The following CPNE5 variants were observed in gnomAD, a reference collection of about 807,000 sequenced individuals.
The protein encoded by CPNE5 is copine 5.
Under a neutral mutation model 81.1 loss-of-function variants are expected in CPNE5, and 42 were observed. That is an observed-to-expected ratio of 0.52 (90% confidence interval 0.40 to 0.67). The LOEUF (loss-of-function observed/expected upper bound fraction) is 0.67, where lower values mean the gene tolerates loss of function less well. Ranked by LOEUF, CPNE5 falls within the 30% of genes least tolerant of loss-of-function variation. The pLI is 0.00. For missense variants in CPNE5, 612 were observed against 815.5 expected (o/e 0.75, Z 3.04); for synonymous variants, 313 against 321.5 (o/e 0.97, Z 0.28).
At chr6:36,828,308 C>CAAAAA (rs11444450) in intron 1 of CPNE5, among the ~76,000 whole-genome samples, 110 of 78,440 alleles carry the variant, frequency 1.4e-3, no homozygotes, top group East Asian at 2.1e-3. Flanking sequence ...AACAACAAAC[C>CAAAAA]AAAAAAAAAA....
intron 12 of CPNE5, among the ~76,000 whole-genome samples, chr6:36,759,332 C>T (rs1191620532): frequency 6.6e-6 from 1 of 152,042 alleles, no homozygotes; most frequent in Non-Finnish European, 1.5e-5. Flanking sequence ...GAATCCCATG[C>T]AGGGGGCCAG....
At chr6:36,800,981 A>G (rs1194131046) in intron 3 of CPNE5, among the ~76,000 whole-genome samples, 1 of 152,220 alleles carries the variant, frequency 6.6e-6, no homozygotes, top group Non-Finnish European at 1.5e-5. Flanking sequence ...TTGAGGCCCC[A>G]GCCAACACCT....
chr6:36,832,523 T>C (rs906883172), intron 1 of CPNE5, among the ~76,000 whole-genome samples: 24 of 152,230 alleles, frequency 1.6e-4, no homozygotes, highest in African/African-American at 5.8e-4. Context: ...TGTCTTTGGA[T>C]GCAGTTGTGA....
intron 13 of CPNE5, chr6:36,755,882 G>A (rs1336509307): frequency 3.5e-6 from 1 of 288,204 alleles, no homozygotes; most frequent in Non-Finnish European, 6.5e-6. Context: ...ATGACTAGGG[G>A]ATGATAATAT....
chr6:36,773,071 T>TG (rs1767179170), intron 10 of CPNE5, among the ~76,000 whole-genome samples: 1 of 152,156 alleles, frequency 6.6e-6, no homozygotes, highest in African/African-American at 2.4e-5. Context: ...TTTGTAAAGA[T>TG]GGGGGTCTCA....
At position 36,765,438 on chromosome 6, in the gene CPNE5, G is replaced by T. The variant is rs1766475767; in HGVS notation, c.738-62C>A. On this transcript the variant is annotated intron_variant, in intron 10 of 20. Coordinates refer to ENST00000244751, the MANE Select transcript of CPNE5 (RefSeq NM_020939.2). ...CCCACACCCACGTGGCTGAGGATGG[G>T]GCCCTCTTCATGTTCCCGGACCAGA... 3.7e-5 allele frequency: 60 copies of T among 1,600,554 alleles called. No homozygotes were observed. The South Asian group carries it at 6.5e-4, about 17-fold the overall frequency.
chr6:36,820,995 T>C (rs572129367), intron 3 of CPNE5, among the ~76,000 whole-genome samples: 5 of 151,100 alleles, frequency 3.3e-5, no homozygotes, highest in Non-Finnish European at 5.9e-5. Flanking sequence ...GAAAAAGTGA[T>C]ACAGAGAAAA....
chr6:36,798,784 A>C (rs1769833018), intron 4 of CPNE5, among the ~76,000 whole-genome samples: 1 of 152,184 alleles, frequency 6.6e-6, no homozygotes, highest in Non-Finnish European at 1.5e-5. Flanking sequence ...CCTCATTAAA[A>C]ATGGAAAAAA....
chr6:36,778,419 G>T (rs921300253), intron 9 of CPNE5, among the ~76,000 whole-genome samples: 1 of 152,308 alleles, frequency 6.6e-6, no homozygotes, highest in African/African-American at 2.4e-5. Flanking sequence ...GGGCAGTAGC[G>T]GGGGGCCAGA....
At chr6:36,831,057 T>C (rs1772945438) in intron 1 of CPNE5, among the ~76,000 whole-genome samples, 1 of 152,116 alleles carries the variant, frequency 6.6e-6, no homozygotes, top group Non-Finnish European at 1.5e-5. Context: ...TTATTTATTT[T>C]ATTTTTTATT....
rs573336942 is a variant in CPNE5, at chr6:36,765,516, G to A, written c.738-140C>T. On this transcript the variant is annotated intron_variant, in intron 10 of 20. Transcript: ENST00000244751. ...CCAGGGCCCTGGGTGGGGAGGCAGC[G>A]GCTTGAGAGACAAGGATCTCTCTTG... The A allele has an allele frequency of 2.2e-5, 20 of 901,254 alleles. No individual in the cohort carries two copies. The African/African-American group carries it at 2.3e-4, about 11-fold the overall frequency. 55.8% of individuals were successfully genotyped at this position (901,254 alleles called of 1,614,324 possible). A position where few individuals can be genotyped will look rare whatever the true frequency, so the allele number is the denominator to read the frequency against.
intron 12 of CPNE5, among the ~76,000 whole-genome samples, chr6:36,762,404 C>T (rs1320989410): frequency 6.6e-6 from 1 of 152,112 alleles, no homozygotes; most frequent in Non-Finnish European, 1.5e-5. Flanking sequence ...GCTACTGTTA[C>T]ACCTCCAGAG....
intron 2 of CPNE5, 123 bp from the exon 3 acceptor site, chr6:36,822,283 T>C (rs542869733): frequency 1.5e-6 from 1 of 688,214 alleles, no homozygotes; most frequent in African/African-American, 1.8e-5. Flanking sequence ...CACTGTTGGA[T>C]CTGGGTAGGG....
intron 3 of CPNE5, among the ~76,000 whole-genome samples, chr6:36,808,122 C>T (rs1167944224): frequency 6.6e-6 from 1 of 151,298 alleles, no homozygotes; most frequent in Non-Finnish European, 1.5e-5. Context: ...AGGAGTTTTG[C>T]TCTTGTTGCC....
In CPNE5 at chr6:36,805,973, G is replaced by A. The variant is rs182000076; in HGVS notation, c.184-5903C>T. Among the ~76,000 whole-genome samples the A allele has an allele frequency of 1.1e-4, 17 of 152,348 alleles. No homozygotes were observed. The East Asian group carries it at 3.3e-3, about 29-fold the overall frequency. ...CTCTGCTACACGTGACAGCTGGGATGTATGGGGCAGGTAGACAGCAGTGTC... is the reference window on the plus strand; with the variant it reads ...CTCTGCTACACGTGACAGCTGGGATATATGGGGCAGGTAGACAGCAGTGTC... On this transcript the variant is annotated intron_variant, in intron 3 of 20. Transcript: ENST00000244751.
Position 36,815,183 on chromosome 6 carries a change from AAGAAC to A in CPNE5, c.183+6926_183+6930del, listed in dbSNP as rs1435632327. Among the ~76,000 whole-genome samples the A allele has an allele frequency of 2.6e-5, 4 of 151,758 alleles. No individual in the cohort carries two copies. In the East Asian group the frequency reaches 7.8e-4, roughly 29 times the overall value. ...AAAAAAAAAAAAAAGAACAAAAAAA[AAGAAC>A]AGAACAGTGTCTGCACATTGCTGTC... On this transcript the variant is annotated intron_variant, in intron 3 of 20. Transcript: ENST00000244751.
At chr6:36,765,299 A>T in intron 11 of CPNE5, 36 bp downstream of exon 11, 4 of 1,608,656 alleles carry the variant, frequency 2.5e-6, no homozygotes, top group South Asian at 1.1e-5. Flanking sequence ...CCCCATCCCC[A>T]CTCACCTTCT....
chr6:36,774,304 G>T (rs1308759702), intron 10 of CPNE5, among the ~76,000 whole-genome samples: 2 of 152,082 alleles, frequency 1.3e-5, no homozygotes, highest in Admixed American at 1.3e-4. Context: ...GATCGCTTGA[G>T]CCTGGGAGGT....
chr6:36,829,867 AAAT>A (rs1257512307), intron 1 of CPNE5, among the ~76,000 whole-genome samples: 6 of 120,454 alleles, frequency 5.0e-5, no homozygotes, highest in Non-Finnish European at 5.8e-5. Context: ...AAAAAAAAAA[AAAT>A]ACCCAACAGG....
Sources: gnomAD v4.1 joint callset for allele counts (sites outside exome capture counted in the v4.1 genomes callset) on GRCh38, gnomAD v4.1.1 for gene constraint, MANE v1.5 for transcripts, NCBI Gene and HGNC (gene_info 2026-07-23, HGNC 2026-07-21) for gene names.